BIRC6: variants seen among roughly 807,000 people sequenced by gnomAD.
The protein encoded by BIRC6 is dual E2 ubiquitin-conjugating enzyme/E3 ubiquitin-protein ligase BIRC6.
BIRC6 carries 98 observed loss-of-function variants against 503.3 expected under a neutral mutation model. That is an observed-to-expected ratio of 0.19 (90% CI 0.17 to 0.23). The LOEUF is 0.23. Among genes scored for constraint, BIRC6 ranks in the 10% least tolerant of loss-of-function variants. The pLI, the probability that BIRC6 is intolerant of heterozygous loss-of-function variation, is 1.00. For synonymous variants in BIRC6, 2,240 were observed against 2,078.7 expected (o/e 1.08, Z -2.11); for missense variants, 5,360 against 5,806.0 (o/e 0.92, Z 2.50).
intron 10 of BIRC6, among the ~76,000 whole-genome samples, chr2:32,420,686 A>C (rs1165172419): frequency 6.6e-6 from 1 of 151,562 alleles, no homozygotes; most frequent in Non-Finnish European, 1.5e-5. Context: ...TAATTTTTGT[A>C]TTTTTAGTAG....
chr2:32,454,868 T>C (rs1303238165), intron 23 of BIRC6, among the ~76,000 whole-genome samples: 1 of 152,356 alleles, frequency 6.6e-6, no homozygotes. Flanking sequence ...GTTTATGTAG[T>C]GAATATGAGC....
rs138407768 is a variant in BIRC6 at position 32,401,950 on chromosome 2, G to A, written c.1418+327G>A. Among the ~76,000 whole-genome samples, 1,238 of 152,240 alleles carry A rather than the reference G, an allele frequency of 8.1e-3. 9 individuals are homozygous for A. Among genetic ancestry groups the A allele is most frequent in the Middle Eastern group, 0.02 (6 of 294 alleles). On this transcript the variant is annotated intron_variant, in intron 8 of 73. Coordinates refer to ENST00000421745, the MANE Select transcript of BIRC6 (RefSeq NM_016252.4). The stretch of plus-strand genomic sequence containing the variant: ...AAATTCTATTGTAGTTTCACCTTCT[G>A]CTAAATCTTTTCATAGAGCATTCGA...
intron 21 of BIRC6, among the ~76,000 whole-genome samples, 180 bp from the exon 22 acceptor site, chr2:32,448,615 C>A (rs954802363): frequency 1.3e-5 from 2 of 150,912 alleles, no homozygotes; most frequent in Admixed American, 1.3e-4. Context: ...AGTCCAGCTT[C>A]GGCTCGGCAT....
intron 3 of BIRC6, among the ~76,000 whole-genome samples, chr2:32,382,831 C>G (rs2037876200): frequency 6.6e-6 from 1 of 151,896 alleles, no homozygotes; most frequent in African/African-American, 2.4e-5. Flanking sequence ...TCAAGCAGTT[C>G]TCCTGCCTCA....
Position 32,357,311 on chromosome 2 carries a change from C to G in BIRC6, c.150C>G (p.Ala50=). The G allele has an allele frequency of 6.5e-7, 1 of 1,528,140 alleles. No homozygotes were observed. The highest frequency in any genetic ancestry group is 1.2e-5 in the South Asian group (1 of 82,364). The allele number at this position is 1,528,140 out of a possible 1,614,324, so 94.7% of individuals were successfully genotyped here. The change falls in exon 1 of 74, where the codon GCC becomes GCG. Residue 50 remains alanine, a synonymous_variant. Transcript: ENST00000421745. This position sits in a 1 kb window ranked among gnomAD's most constrained non-coding sequence, Gnocchi z 4.9. The part of the protein sequence containing the change: ...GCSSAAGAGA[A]GVSEWLVLRD... ...CCTCGGCGGCGGGGGCGGGGGCGGC[C>G]GGGGTCTCAGAGTGGCTGGTGCTGC...
chr2:32,543,164 A>T, intron 61 of BIRC6, 77 bp from the exon 62 acceptor site: 1 of 1,392,058 alleles, frequency 7.2e-7, no homozygotes. Flanking sequence ...TAAAGAGATC[A>T]TTTAAAGTTA....
chr2:32,427,362 A>T (rs1459619141), intron 10 of BIRC6, among the ~76,000 whole-genome samples: 1 of 151,894 alleles, frequency 6.6e-6, no homozygotes, highest in East Asian at 1.9e-4. Context: ...AGCTCACTGC[A>T]ACCTCTGCCT....
intron 67 of BIRC6, 52 bp from the exon 68 acceptor site, chr2:32,594,982 A>G (rs1384030910): frequency 8.9e-7 from 1 of 1,126,464 alleles, no homozygotes; most frequent in Non-Finnish European, 1.2e-6. Flanking sequence ...TTATTTTTTA[A>G]AATATATACT....
intron 65 of BIRC6, chr2:32,565,186 C>T (rs969708019): frequency 2.0e-5 from 3 of 152,148 alleles, no homozygotes; most frequent in Middle Eastern, 3.2e-3. Context: ...TCAAGCTTTC[C>T]TACTAATTAA....
Position 32,508,014 on chromosome 2 carries a change from A to C in BIRC6, c.9735A>C (p.Ala3245=). The part of the protein sequence containing the change: ...CPSSVSVEVS[A]DGVNMLPLST... ...CCTCAGTGTCTGTTGAAGTAAGTGC[A>C]GATGGGGTAAATATGCTACCTTTGT... Residue 3245 remains alanine (A), a synonymous_variant, in exon 51 of 74, where the codon GCA becomes GCC. Transcript: ENST00000421745. 1 of 1,613,968 alleles carries C rather than the reference A, an allele frequency of 6.2e-7. No homozygotes were observed. Among genetic ancestry groups the C allele is most frequent in the Non-Finnish European group, 8.5e-7 (1 of 1,179,874 alleles).
chr2:32,597,798 A>G lies in BIRC6; in HGVS notation c.13660A>G (p.Lys4554Glu). The change falls in exon 69 of 74, where the codon AAA becomes GAA. Residue 4554 changes from lysine to glutamate, a missense_variant. Physicochemically the swap from Lys to Glu is moderately conservative, Grantham distance 56 (BLOSUM62 1). Coordinates refer to ENST00000421745, the MANE Select transcript of BIRC6 (RefSeq NM_016252.4). ...SEDEDGKLGF[K>E]VNYHYMSQVK... ...AGATGAAGATGGGAAATTGGGATTTAAAGTAAATTACCACTACATGTCTCA... is the reference window on the plus strand; with the variant it reads ...AGATGAAGATGGGAAATTGGGATTTGAAGTAAATTACCACTACATGTCTCA... The G allele has an allele frequency of 1.2e-6, 2 of 1,613,668 alleles. No individual in the cohort carries two copies.
intron 25 of BIRC6, 26 bp downstream of exon 25, chr2:32,464,849 G>A (rs1272917376): frequency 6.4e-7 from 1 of 1,557,784 alleles, no homozygotes; most frequent in Non-Finnish European, 8.7e-7. Flanking sequence ...AATAGGTGTT[G>A]GCTTAGACAT....
Position 32,388,794 on chromosome 2 carries a change from C to T in BIRC6, c.690C>T (p.Ser230=). Reference sequence around the variant, plus strand: ...ATCTTCCTCATCATGTGTTGAAGTCCATTGCCAGTGCCATTGTAAATGAAC... The same window carrying T: ...ATCTTCCTCATCATGTGTTGAAGTCTATTGCCAGTGCCATTGTAAATGAAC... ...TFHLPHHVLK[S]IASAIVNELK... Residue 230 remains serine (S), a synonymous_variant, in exon 4 of 74, where the codon TCC becomes TCT. Transcript: ENST00000421745. 2 of 1,611,354 alleles carry T rather than the reference C, an allele frequency of 1.2e-6. No individual in the cohort carries two copies. The highest frequency in any genetic ancestry group is 1.1e-5 in the South Asian group (1 of 90,674).
At chr2:32,608,502 C>T (rs79671870) in intron 72 of BIRC6, among the ~76,000 whole-genome samples, 3,529 of 152,204 alleles carry the variant, frequency 0.023, 65 homozygotes, top group Non-Finnish European at 0.037. Context: ...GCAACCTCCA[C>T]CTCCCAAGTT....
intron 1 of BIRC6, among the ~76,000 whole-genome samples, chr2:32,370,182 T>C (rs185277319): frequency 6.6e-6 from 1 of 151,756 alleles, no homozygotes; most frequent in Non-Finnish European, 1.5e-5. Context: ...GAACAATGTA[T>C]ATGAAGAAAC....
chr2:32,583,862 C>G (rs1231106148), intron 66 of BIRC6, among the ~76,000 whole-genome samples: 1 of 152,186 alleles, frequency 6.6e-6, no homozygotes, highest in East Asian at 1.9e-4. Flanking sequence ...TCCCAAGTAA[C>G]TGGAACTACA....
Position 32,435,545 on chromosome 2 carries a change from G to T in BIRC6, c.3459G>T (p.Leu1153Phe), listed in dbSNP as rs868771694. Residue 1153 changes from leucine to phenylalanine, a missense_variant, in exon 14 of 74, where the codon TTG (leucine) becomes TTT (phenylalanine). Leu to Phe is a conservative substitution (Grantham distance 22, BLOSUM62 0). Transcript: ENST00000421745. ...ATGGGAAACCGTCCCTGGTTGATTTGAATGAAGAAATGCAGCACATGGATG... is the reference window on the plus strand; with the variant it reads ...ATGGGAAACCGTCCCTGGTTGATTTTAATGAAGAAATGCAGCACATGGATG... ...EQNGKPSLVD[L>F]NEEMQHMDVE... 6.4e-7 allele frequency: 1 copy of T among 1,555,240 alleles called. No individual in the cohort carries two copies. Among genetic ancestry groups the T allele is most frequent in the Non-Finnish European group, 8.7e-7 (1 of 1,148,268 alleles).
chr2:32,559,888 T>C (rs530496757), intron 65 of BIRC6, among the ~76,000 whole-genome samples: 1 of 148,844 alleles, frequency 6.7e-6, no homozygotes, highest in African/African-American at 2.5e-5. Flanking sequence ...TAGTGGCGGG[T>C]GCCTGTTATC....
intron 71 of BIRC6, among the ~76,000 whole-genome samples, chr2:32,604,696 C>A (rs1052497473): frequency 6.6e-6 from 1 of 151,944 alleles, no homozygotes. Flanking sequence ...ATTTTTTGTT[C>A]CTTTTTTCTG....
Sources: allele counts gnomAD v4.1 joint callset (sites outside exome capture counted in the v4.1 genomes callset), GRCh38; gene constraint gnomAD v4.1.1; non-coding constraint Gnocchi (gnomAD v3.1); transcripts MANE v1.5; gene names NCBI Gene and HGNC (gene_info 2026-07-23, HGNC 2026-07-21).